The following ZNF746 variants were observed in gnomAD, a reference collection of about 807,000 sequenced individuals.
The protein encoded by ZNF746 is parkin-interacting substrate.
In ZNF746, 13 loss-of-function variants were observed where a neutral mutation model predicts 41.0. That is an observed-to-expected ratio of 0.32 (90% CI 0.21 to 0.50). The LOEUF (loss-of-function observed/expected upper bound fraction) is 0.50, where lower values mean the gene tolerates loss of function less well. Ranked by LOEUF, ZNF746 falls within the 20% of genes least tolerant of loss-of-function variation. The pLI is 0.98. For missense variants in ZNF746, 811 were observed against 922.9 expected, an observed-to-expected ratio of 0.88 and a Z score of 1.57; for synonymous variants, 424 against 396.2, an observed-to-expected ratio of 1.07 and a Z score of -0.83.
Position 149,476,990 on chromosome 7 carries a change from G to A in ZNF746, c.815C>T (p.Pro272Leu). 6.2e-7 allele frequency: 1 copy of A among 1,613,996 alleles called. No homozygotes were observed. The highest frequency in any genetic ancestry group is 8.5e-7 in the Non-Finnish European group (1 of 1,179,972). Residue 272 changes from proline (P) to leucine (L), a missense_variant, in exon 6 of 7, where the codon CCT becomes CTT. Coordinates refer to ENST00000458143, the MANE Select transcript of ZNF746 (RefSeq NM_001394198.1). ...GCATGCTGAAGAGGGATGGTGGGGA[G>A]GGAGATCCGTTTGCCAGGAGGTGGG... ...IPPTSWQTDL[P>L]PHHPSSACSD...
chr7:149,486,428 A>G (rs1800626123), intron 4 of ZNF746, among the ~76,000 whole-genome samples: 1 of 152,136 alleles, frequency 6.6e-6, no homozygotes, highest in South Asian at 2.1e-4. Flanking sequence ...AAAAAAAAGA[A>G]AAGAAAAGAG....
Position 149,495,595 on chromosome 7 carries a change from C to T in ZNF746, c.25-1092G>A, listed in dbSNP as rs553141209. On this transcript the variant is annotated intron_variant, in intron 1 of 6. Transcript: ENST00000458143. The stretch of plus-strand genomic sequence containing the variant: ...ATCGGGACCTGAGGATCAACGCCTC[C>T]TTACAACATTCTGCAAAATAATTCC... 2.1e-4 allele frequency among the ~76,000 whole-genome samples: 32 copies of T among 152,302 alleles called. 1 individual carries two copies. In the South Asian group the frequency reaches 2.7e-3, roughly 13 times the overall value.
rs1466630537 is a variant in ZNF746, at chr7:149,497,230, G to C, written c.24+283C>G. The stretch of plus-strand genomic sequence containing the variant: ...ACCCAGAAGGAGGGGACAGCGGCTG[G>C]GGCGGGGGCAGGAAGCCCCGGAGGG... On this transcript the variant is annotated intron_variant, in intron 1 of 6. Transcript: ENST00000458143. The surrounding 1 kb of genome is among the most constrained non-coding windows in gnomAD (Gnocchi z 4.2). 1 of 983,194 alleles carries C rather than the reference G, an allele frequency of 1.0e-6. No individual in the cohort carries two copies. The highest frequency in any genetic ancestry group is 1.7e-5 in the African/African-American group (1 of 57,300). 60.9% of individuals were successfully genotyped at this position (983,194 alleles called of 1,614,324 possible).
chr7:149,477,072 G>C, intron 5 of ZNF746, 25 bp from the exon 6 acceptor site: 2 of 1,603,776 alleles, frequency 1.2e-6, no homozygotes, highest in Non-Finnish European at 1.7e-6. Flanking sequence ...GAGCAGAGCC[G>C]GTGGGTTAGG....
Position 149,475,159 on chromosome 7 carries a change from G to A in ZNF746, c.1208C>T (p.Pro403Leu), listed in dbSNP as rs771762168. 2 of 1,612,650 alleles carry A rather than the reference G, an allele frequency of 1.2e-6. No individual in the cohort carries two copies. ...CGTCCTCGGGTTCAGGCCCACTGGC[G>A]GTTTACACCGGAAATTCCAGCCCCA... ...VRWGWNFRCK[P>L]PVGLNPRTGP... The change falls in exon 7 of 7, where the codon CCG (proline) becomes CTG (leucine). Residue 403 changes from proline (P) to leucine (L), a missense_variant. Around this residue, in one of 4 missense-constraint regions of ZNF746, gnomAD observed 495 missense variants for 481.6 expected, o/e 1.03. Coordinates refer to ENST00000458143, the MANE Select transcript of ZNF746 (RefSeq NM_001394198.1).
chr7:149,494,505 T>G lies in ZNF746; in HGVS notation c.25-2A>C. 1 of 1,612,802 alleles carries G rather than the reference T, an allele frequency of 6.2e-7. No homozygotes were observed. Among genetic ancestry groups the G allele is most frequent in the Non-Finnish European group, 8.5e-7 (1 of 1,179,010 alleles). ...GGCTGCCATCGTCCACGGAGAAATC[T>G]TTCAGAAACAAAAGAGAAACTGGCA... On this transcript the variant is annotated splice_acceptor_variant, in intron 1 of 6. Coordinates refer to ENST00000458143, the MANE Select transcript of ZNF746 (RefSeq NM_001394198.1). LOFTEE classifies it high-confidence loss of function. The surrounding 1 kb of genome is among the most constrained non-coding windows in gnomAD (Gnocchi z 5.6).
chr7:149,476,833 G>T, intron 6 of ZNF746, 89 bp downstream of exon 6: 1 of 1,574,242 alleles, frequency 6.4e-7, no homozygotes, highest in Non-Finnish European at 8.7e-7. Flanking sequence ...GAAGGTCAGA[G>T]CAGTTCACCA....
intron 4 of ZNF746, among the ~76,000 whole-genome samples, chr7:149,478,124 CTCATA>C (rs1286096062): frequency 7.0e-6 from 1 of 142,874 alleles, no homozygotes; most frequent in Non-Finnish European, 1.5e-5. Flanking sequence ...ACCTTCCCCC[CTCATA>C]TATTTAAGTG....
intron 1 of ZNF746, among the ~76,000 whole-genome samples, chr7:149,495,137 C>T (rs976220231): frequency 6.6e-6 from 1 of 152,096 alleles, no homozygotes; most frequent in Admixed American, 6.6e-5. Context: ...AGGACAGTCT[C>T]ATTTTGTCAC....
In ZNF746 at chr7:149,492,843, T is replaced by G. The variant is rs1800854618; in HGVS notation, c.565+16A>C. ...CACAATACCTGATGCCTCCCTGGCCTTCTCCCAGCCCTTACCTGGACTGGG... is the reference window on the plus strand; with the variant it reads ...CACAATACCTGATGCCTCCCTGGCCGTCTCCCAGCCCTTACCTGGACTGGG... On this transcript the variant is annotated intron_variant, in intron 4 of 6. Coordinates refer to ENST00000458143, the MANE Select transcript of ZNF746 (RefSeq NM_001394198.1). 3.1e-6 allele frequency: 5 copies of G among 1,597,666 alleles called. No individual in the cohort carries two copies. Among genetic ancestry groups the G allele is most frequent in the Non-Finnish European group, 3.4e-6 (4 of 1,166,096 alleles).
Position 149,494,125 on chromosome 7 carries a change from C to G in ZNF746, c.325-10G>C. 6.2e-7 allele frequency: 1 copy of G among 1,614,170 alleles called. No homozygotes were observed. The highest frequency in any genetic ancestry group is 1.3e-5 in the African/African-American group (1 of 75,034). ...CAAAGGTCACGGGCACCTGGAACCA[C>G]AAGTGTCACACTCGCTCACCCACAC... On this transcript the variant is annotated splice_polypyrimidine_tract_variant and intron_variant, in intron 2 of 6. Transcript: ENST00000458143. This position sits in a 1 kb window ranked among gnomAD's most constrained non-coding sequence, Gnocchi z 5.6.
At position 149,474,917 on chromosome 7, in the gene ZNF746, G is replaced by A; in HGVS notation, c.1450C>T (p.Leu484=). The A allele has an allele frequency of 6.5e-7, 1 of 1,540,526 alleles. No homozygotes were observed. The highest frequency in any genetic ancestry group is 1.2e-5 in the South Asian group (1 of 83,942). The change falls in exon 7 of 7, where the codon CTG becomes TTG. Residue 484 remains leucine (L), a synonymous_variant. Coordinates refer to ENST00000458143, the MANE Select transcript of ZNF746 (RefSeq NM_001394198.1). The surrounding 1 kb of genome is among the most constrained non-coding windows in gnomAD (Gnocchi z 6.3). ...CGKSFQLQVS[L]SAHQRSCGAP... is the part of the protein sequence containing the mutation. ...CCACAGCTGCGCTGGTGCGCGCTCA[G>A]GCTGACTTGCAGCTGGAAGCTCTTC...
intron 4 of ZNF746, among the ~76,000 whole-genome samples, chr7:149,483,697 C>G (rs1346153027): frequency 1.3e-5 from 2 of 150,726 alleles, no homozygotes; most frequent in Non-Finnish European, 3.0e-5. Context: ...ATTTAAGAAC[C>G]TTTTCAAAAG....
rs754028679 is a variant in ZNF746, at chr7:149,477,066, A to G, written c.758-19T>C. 6.2e-7 allele frequency: 1 copy of G among 1,607,710 alleles called. No individual in the cohort carries two copies. Among genetic ancestry groups the G allele is most frequent in the East Asian group, 2.2e-5 (1 of 44,834 alleles). ...TGGACACCTGCGGTAAGGGGAGAGC[A>G]GAGCCGGTGGGTTAGGGGACGGACG... On this transcript the variant is annotated intron_variant, in intron 5 of 6. Transcript: ENST00000458143.
At chr7:149,480,925 G>A (rs1800467258) in intron 4 of ZNF746, among the ~76,000 whole-genome samples, 1 of 152,180 alleles carries the variant, frequency 6.6e-6, no homozygotes. Flanking sequence ...TAAAAGGTTA[G>A]AAAGGGGGCA....
At chr7:149,492,523 G>A (rs1451356729) in intron 4 of ZNF746, among the ~76,000 whole-genome samples, 1 of 152,136 alleles carries the variant, frequency 6.6e-6, no homozygotes, top group Non-Finnish European at 1.5e-5. Flanking sequence ...GTGGGACTGG[G>A]GGCTGGTGCC....
Position 149,494,183 on chromosome 7 carries a change from C to T in ZNF746, c.324+21G>A, listed in dbSNP as rs1377817634. 1.9e-6 allele frequency: 3 copies of T among 1,613,784 alleles called. No individual in the cohort carries two copies. The highest frequency in any genetic ancestry group is 2.5e-6 in the Non-Finnish European group (3 of 1,179,730). On this transcript the variant is annotated intron_variant, in intron 2 of 6. Coordinates refer to ENST00000458143, the MANE Select transcript of ZNF746 (RefSeq NM_001394198.1). The surrounding 1 kb of genome is among the most constrained non-coding windows in gnomAD (Gnocchi z 5.6). Reference sequence around the variant, plus strand: ...GGTTTGGCCGCTTGGGCTCCCACACCCCAAGGCGTCCCAGGGCTACCTTAG... The same window carrying T: ...GGTTTGGCCGCTTGGGCTCCCACACTCCAAGGCGTCCCAGGGCTACCTTAG...
chr7:149,478,647 T>G (rs138066513), intron 4 of ZNF746, among the ~76,000 whole-genome samples: 364 of 152,024 alleles, frequency 2.4e-3, no homozygotes, highest in Non-Finnish European at 4.3e-3. Context: ...AAACTAAAAC[T>G]TACAAAACAG....
chr7:149,487,219 A>T (rs746380905), intron 4 of ZNF746, among the ~76,000 whole-genome samples: 5 of 152,236 alleles, frequency 3.3e-5, no homozygotes, highest in Admixed American at 6.5e-5. Context: ...ATTGTCTTCC[A>T]TGAAACTGGT....
Sources: gnomAD v4.1 joint callset for allele counts (sites outside exome capture counted in the v4.1 genomes callset) on GRCh38, gnomAD v4.1.1 for gene constraint, gnomAD v4.1.1 regional missense constraint, Gnocchi (gnomAD v3.1) non-coding constraint, MANE v1.5 for transcripts, NCBI Gene and HGNC (gene_info 2026-07-23, HGNC 2026-07-21) for gene names.